The following RYR2 variants were observed in gnomAD, a reference collection of about 807,000 sequenced individuals.
RYR2 encodes ryanodine receptor 2, also known as cardiac muscle ryanodine receptor-calcium release channel.
In RYR2, 227 loss-of-function variants were observed where a neutral mutation model predicts 601.1. The observed-to-expected ratio is 0.38, with a 90% CI of 0.34 to 0.42. RYR2 has a LOEUF of 0.42. RYR2 is among the 10% of genes least tolerant of loss of function. RYR2 has a pLI of 1.00. For missense variants in RYR2, 4,646 were observed against 6,156.5 expected, an observed-to-expected ratio of 0.75 and a Z score of 8.21; for synonymous variants, 2,223 against 2,175.1, an observed-to-expected ratio of 1.02 and a Z score of -0.61.
At position 237,474,268 on chromosome 1, in the gene RYR2, T is replaced by TAC. The variant is rs767279068; in HGVS notation, c.1708+5097_1708+5098dup. 0.022 allele frequency among the ~76,000 whole-genome samples: 1,690 copies of TAC among 77,548 alleles called. 39 individuals carry two copies. The East Asian group carries it at 0.24, about 11-fold the overall frequency. 50.9% of individuals were successfully genotyped at this position (77,548 alleles called of 152,430 possible). ...AGATATATACATATGTATAGATACC[T>TAC]ACACACACACACACACATATATATA... is the stretch of plus-strand genomic sequence containing the variant. On this transcript the variant is annotated intron_variant, in intron 17 of 104. Coordinates refer to ENST00000366574, the MANE Select transcript of RYR2 (RefSeq NM_001035.3).
chr1:237,722,502 C>G (rs1212471862), intron 73 of RYR2, among the ~76,000 whole-genome samples: 1 of 150,588 alleles, frequency 6.6e-6, no homozygotes, highest in Admixed American at 6.6e-5. Context: ...GGCGCGATCT[C>G]GGCTCACTGC....
chr1:237,676,605 G>A (rs538812895), intron 60 of RYR2, among the ~76,000 whole-genome samples: 64 of 152,194 alleles, frequency 4.2e-4, no homozygotes, highest in African/African-American at 1.4e-3. Flanking sequence ...TGTCAATATC[G>A]TGTTTATTTT....
intron 84 of RYR2, among the ~76,000 whole-genome samples, chr1:237,767,203 T>G (rs1264706213): frequency 1.3e-5 from 2 of 152,120 alleles, no homozygotes; most frequent in Non-Finnish European, 2.9e-5. Flanking sequence ...ATTCTTAAAT[T>G]GATGAAAACA....
chr1:237,293,962 G>C (rs1164136452), intron 2 of RYR2, among the ~76,000 whole-genome samples: 1 of 152,050 alleles, frequency 6.6e-6, no homozygotes. Context: ...TTAAAGTTCT[G>C]ACCCCCCAGT....
At chr1:237,141,143 T>C (rs190669905) in intron 1 of RYR2, among the ~76,000 whole-genome samples, 87 of 152,360 alleles carry the variant, frequency 5.7e-4, no homozygotes, top group African/African-American at 2.0e-3. Flanking sequence ...TGCACATATT[T>C]TGTTTCTTTT....
At chr1:237,446,126 T>C (rs919815251) in intron 14 of RYR2, among the ~76,000 whole-genome samples, 1 of 152,198 alleles carries the variant, frequency 6.6e-6, no homozygotes, top group Non-Finnish European at 1.5e-5. Flanking sequence ...AGTTCCTTTT[T>C]CAATGAGGGC....
intron 20 of RYR2, among the ~76,000 whole-genome samples, chr1:237,498,775 C>A (rs1387045278): frequency 6.6e-6 from 1 of 151,686 alleles, no homozygotes; most frequent in Non-Finnish European, 1.5e-5. Flanking sequence ...ACAATAAGAA[C>A]AACAAAAAAA....
intron 73 of RYR2, among the ~76,000 whole-genome samples, chr1:237,719,982 C>T (rs533788442): frequency 4.0e-4 from 61 of 152,252 alleles, no homozygotes; most frequent in African/African-American, 1.4e-3. Flanking sequence ...AGAAGAGAAG[C>T]GTGTACAGTT....
Position 237,617,332 on chromosome 1 carries a change from G to A in RYR2, c.5762G>A (p.Arg1921Gln), listed in dbSNP as rs370568809. Residue 1921 changes from arginine to glutamine, a missense_variant, in exon 38 of 105, where the codon CGG becomes CAG. Physicochemically the swap from Arg to Gln is conservative, Grantham distance 43. Transcript: ENST00000366574. ...CTCTGTGACTGCCAGGTCCGGCACC[G>A]GATAGAAGCCATTGTAGCCTTTTCA... ...QYLCDCQVRH[R>Q]IEAIVAFSDD... The A allele has an allele frequency of 3.5e-5, 57 of 1,613,634 alleles. No homozygotes were observed. Among genetic ancestry groups the A allele is most frequent in the Non-Finnish European group, 4.3e-5 (51 of 1,179,782 alleles).
intron 23 of RYR2, among the ~76,000 whole-genome samples, chr1:237,507,180 G>A (rs980773862): frequency 9.9e-5 from 15 of 152,206 alleles, no homozygotes; most frequent in African/African-American, 3.6e-4. Context: ...ATGAAAAGAA[G>A]GCAATTTACT....
At chr1:237,417,677 G>A (rs1347812072) in intron 11 of RYR2, among the ~76,000 whole-genome samples, 1 of 151,952 alleles carries the variant, frequency 6.6e-6, no homozygotes, top group Non-Finnish European at 1.5e-5. Flanking sequence ...ATAGTAATGA[G>A]AGTTTTTATA....
chr1:237,522,612 G>A (rs909207622), intron 24 of RYR2, among the ~76,000 whole-genome samples: 1 of 152,120 alleles, frequency 6.6e-6, no homozygotes, highest in Non-Finnish European at 1.5e-5. Context: ...CATCTCACTT[G>A]ATTTTTGTTA....
intron 1 of RYR2, among the ~76,000 whole-genome samples, chr1:237,236,786 T>C (rs1219271783): frequency 6.6e-6 from 1 of 152,188 alleles, no homozygotes; most frequent in African/African-American, 2.4e-5. Context: ...AGATATCATG[T>C]TGAGGAATTA....
chr1:237,526,926 T>G (rs1667648924), intron 24 of RYR2, among the ~76,000 whole-genome samples: 2 of 152,224 alleles, frequency 1.3e-5, no homozygotes, highest in Non-Finnish European at 2.9e-5. Context: ...TTTCTAGGTT[T>G]TCTTCTAGGT....
intron 1 of RYR2, chr1:237,267,578 C>T (rs1689202510): frequency 3.3e-6 from 1 of 300,822 alleles, no homozygotes; most frequent in Non-Finnish European, 6.9e-6. Context: ...TCTTAGGATC[C>T]ATATATTTTC....
rs185160873 is a variant in RYR2, at chr1:237,445,543, G to A, written c.1292+21G>A. 723 of 1,611,976 alleles carry A rather than the reference G, an allele frequency of 4.5e-4. 3 individuals carry two copies. In the African/African-American group the frequency reaches 7.6e-3, roughly 17 times the overall value. On this transcript the variant is annotated intron_variant, in intron 14 of 104. Transcript: ENST00000366574. ...ATAAGGTACTTTTTCTTTTGTAGGC[G>A]TAGTTGTTTGATACTTCATTTTCAT...
intron 24 of RYR2, among the ~76,000 whole-genome samples, chr1:237,522,763 C>G (rs1468899050): frequency 6.6e-6 from 1 of 152,104 alleles, no homozygotes; most frequent in Non-Finnish European, 1.5e-5. Context: ...TGCTTCCTAA[C>G]AGTCTGTTTA....
At chr1:237,741,739 T>C (rs1288482629) in intron 79 of RYR2, among the ~76,000 whole-genome samples, 1 of 152,064 alleles carries the variant, frequency 6.6e-6, no homozygotes, top group Non-Finnish European at 1.5e-5. Context: ...GTAGCTGGCA[T>C]TACAGGTGCC....
chr1:237,614,810 C>T lies in RYR2; in HGVS notation c.5682C>T (p.Leu1894=), dbSNP rs768959495. ...GCAAGCGGCCCAAGGAAGGCCTGCTCCAAATGAAACTGCCAGAGCCAGTTA... is the reference window on the plus strand; with the variant it reads ...GCAAGCGGCCCAAGGAAGGCCTGCTTCAAATGAAACTGCCAGAGCCAGTTA... ...KGGKRPKEGL[L]QMKLPEPVKL... Residue 1894 remains leucine, a synonymous_variant, in exon 37 of 105, where the codon CTC becomes CTT. Transcript: ENST00000366574. The surrounding 1 kb of genome is among the most constrained non-coding windows in gnomAD (Gnocchi z 4.3). 5 of 1,589,900 alleles carry T rather than the reference C, an allele frequency of 3.1e-6. No individual in the cohort carries two copies. The highest frequency in any genetic ancestry group is 4.3e-6 in the Non-Finnish European group (5 of 1,168,420).
Sources: allele counts gnomAD v4.1 joint callset (sites outside exome capture counted in the v4.1 genomes callset), GRCh38; gene constraint gnomAD v4.1.1; non-coding constraint Gnocchi (gnomAD v3.1); transcripts MANE v1.5; gene names NCBI Gene and HGNC (gene_info 2026-07-23, HGNC 2026-07-21).